The following PDE4B variants were observed in gnomAD, a reference collection of about 807,000 sequenced individuals.
PDE4B encodes the protein 3',5'-cyclic-AMP phosphodiesterase 4B.
In PDE4B, 20 loss-of-function variants were observed where a neutral mutation model predicts 82.2. That is an observed-to-expected ratio of 0.24 (90% CI 0.17 to 0.35). The LOEUF (loss-of-function observed/expected upper bound fraction) is 0.35. Among genes scored for constraint, PDE4B ranks in the 10% least tolerant of loss-of-function variants. The pLI is 1.00. For synonymous variants in PDE4B, 320 were observed against 318.9 expected, an observed-to-expected ratio of 1.00 and a Z score of -0.04; for missense variants, 655 against 907.2, an observed-to-expected ratio of 0.72 and a Z score of 3.57.
At chr1:65,999,669 T>G (rs1031202182) in intron 3 of PDE4B, among the ~76,000 whole-genome samples, 7 of 152,228 alleles carry the variant, frequency 4.6e-5, no homozygotes, top group African/African-American at 1.7e-4. Flanking sequence ...ACATGCTTAT[T>G]TGTTATATTG....
At chr1:66,318,889 T>A (rs912784835) in intron 7 of PDE4B, among the ~76,000 whole-genome samples, 3 of 152,230 alleles carry the variant, frequency 2.0e-5, no homozygotes, top group African/African-American at 7.2e-5. Flanking sequence ...CACATGTGAC[T>A]AGTAGCTACC....
At chr1:66,352,636 AAAC>A (rs1557720844) in intron 8 of PDE4B, among the ~76,000 whole-genome samples, 1 of 152,200 alleles carries the variant, frequency 6.6e-6, no homozygotes, top group Admixed American at 6.5e-5. Context: ...TGTTGTGGTT[AAAC>A]AACATGCCCT....
At position 66,257,721 on chromosome 1, in the gene PDE4B, G is replaced by A. The variant is rs1051150789; in HGVS notation, c.513+38G>A. The A allele has an allele frequency of 8.1e-6, 13 of 1,610,398 alleles. No homozygotes were observed. The East Asian group carries it at 8.9e-5, about 11-fold the overall frequency. ...CTGGCCCTGGCTTGCTTTCACTGTC[G>A]CTGGTTTCTAAGTCTGAACCTGGCC... is the stretch of plus-strand genomic sequence containing the variant. On this transcript the variant is annotated intron_variant, in intron 5 of 16. Transcript: ENST00000341517.
chr1:66,217,278 A>G (rs1650538678), intron 3 of PDE4B, among the ~76,000 whole-genome samples: 1 of 152,130 alleles, frequency 6.6e-6, no homozygotes, highest in Non-Finnish European at 1.5e-5. Context: ...TGGGATTGTA[A>G]ATGACACTTG....
intron 1 of PDE4B, among the ~76,000 whole-genome samples, chr1:65,793,925 C>A (rs1645602917): frequency 6.6e-6 from 1 of 152,190 alleles, no homozygotes; most frequent in Non-Finnish European, 1.5e-5. Flanking sequence ...CCGTTTTTCA[C>A]AGGCCACCTT....
chr1:66,141,344 A>C (rs1380929406), intron 3 of PDE4B, among the ~76,000 whole-genome samples: 18 of 83,398 alleles, frequency 2.2e-4, no homozygotes, highest in African/African-American at 5.7e-4. Context: ...ATATATATAT[A>C]TATATATATA....
At chr1:65,909,454 G>A (rs1000808906) in intron 1 of PDE4B, among the ~76,000 whole-genome samples, 1 of 152,014 alleles carries the variant, frequency 6.6e-6, no homozygotes, top group Non-Finnish European at 1.5e-5. Context: ...CAGAAGTCAG[G>A]GTCCTTTTCC....
At chr1:66,151,932 G>C (rs1469713147) in intron 3 of PDE4B, among the ~76,000 whole-genome samples, 1 of 152,124 alleles carries the variant, frequency 6.6e-6, no homozygotes, top group Admixed American at 6.6e-5. Context: ...ATAGCACCTA[G>C]TGCAACACTG....
chr1:65,976,705 A>G (rs1650426784), intron 3 of PDE4B, among the ~76,000 whole-genome samples: 1 of 152,126 alleles, frequency 6.6e-6, no homozygotes, highest in Admixed American at 6.5e-5. Flanking sequence ...CTGATGATTT[A>G]AAAGTGTGTG....
At chr1:65,881,921 C>T (rs914266758) in intron 1 of PDE4B, among the ~76,000 whole-genome samples, 2 of 152,108 alleles carry the variant, frequency 1.3e-5, no homozygotes, top group African/African-American at 2.4e-5. Flanking sequence ...CATTATATAT[C>T]ATTATGCTAT....
At chr1:65,797,054 G>C (rs1056656637) in intron 1 of PDE4B, among the ~76,000 whole-genome samples, 10 of 151,322 alleles carry the variant, frequency 6.6e-5, no homozygotes, top group African/African-American at 2.2e-4. Flanking sequence ...CCAGGTTCAC[G>C]CCATTCTCTG....
At chr1:66,303,314 G>A (rs1295900503) in intron 7 of PDE4B, among the ~76,000 whole-genome samples, 2 of 149,112 alleles carry the variant, frequency 1.3e-5, no homozygotes, top group Non-Finnish European at 3.0e-5. Flanking sequence ...ATATATTTAT[G>A]GTGTATAGCA....
At chr1:66,193,991 A>G (rs1199967334) in intron 3 of PDE4B, among the ~76,000 whole-genome samples, 1 of 146,928 alleles carries the variant, frequency 6.8e-6, no homozygotes, top group Non-Finnish European at 1.5e-5. Context: ...TTCTCTTGGT[A>G]TCTAGTTCTA....
chr1:65,927,912 C>T (rs1339399183), intron 3 of PDE4B, among the ~76,000 whole-genome samples: 1 of 152,054 alleles, frequency 6.6e-6, no homozygotes, highest in African/African-American at 2.4e-5. Context: ...TCCGGGAACC[C>T]ACTGGATCCA....
chr1:65,846,460 G>T (rs895802783), intron 1 of PDE4B, among the ~76,000 whole-genome samples: 2 of 152,294 alleles, frequency 1.3e-5, no homozygotes, highest in East Asian at 1.9e-4. Flanking sequence ...AGGTCAGTTT[G>T]GTTGTGGCAT....
intron 3 of PDE4B, among the ~76,000 whole-genome samples, chr1:66,208,764 T>C (rs1323859711): frequency 2.6e-5 from 4 of 152,196 alleles, no homozygotes; most frequent in African/African-American, 7.2e-5. Flanking sequence ...GTAGGTCAAT[T>C]AAATAAATGC....
intron 1 of PDE4B, among the ~76,000 whole-genome samples, chr1:65,877,192 A>G (rs896129187): frequency 7.9e-5 from 12 of 152,366 alleles, no homozygotes; most frequent in African/African-American, 2.9e-4. Flanking sequence ...TGGTACTGGT[A>G]CCAAAACAGA....
At chr1:66,010,259 A>G (rs937884943) in intron 3 of PDE4B, among the ~76,000 whole-genome samples, 6 of 151,924 alleles carry the variant, frequency 3.9e-5, no homozygotes, top group African/African-American at 1.2e-4. Flanking sequence ...TAGTAAAAAT[A>G]ACTATTGCCT....
rs191205396 is a variant in PDE4B at position 66,308,725 on chromosome 1, T to C, written c.635-23783T>C. Among the ~76,000 whole-genome samples, 229 of 152,304 alleles carry C rather than the reference T, an allele frequency of 1.5e-3. 4 individuals carry two copies. The highest frequency in any genetic ancestry group is 5.6e-4 in the Non-Finnish European group (38 of 68,020). On this transcript the variant is annotated intron_variant, in intron 7 of 16. Transcript: ENST00000341517. ...ACCACTAATATAACCATGCAAATAG[T>C]TGCCACCTTTTCTAATGAGAAAAGA...
Sources: allele counts gnomAD v4.1 joint callset (sites outside exome capture counted in the v4.1 genomes callset), GRCh38; gene constraint gnomAD v4.1.1; transcripts MANE v1.5; gene names NCBI Gene and HGNC (gene_info 2026-07-23, HGNC 2026-07-21).